Variants in CUX1 observed in about 807,000 individuals in gnomAD.
The protein encoded by CUX1 is protein CASP.
CUX1 carries 31 observed loss-of-function variants against 158.8 expected under a neutral mutation model. The observed-to-expected ratio is 0.20, with a 90% CI of 0.15 to 0.26. The LOEUF (loss-of-function observed/expected upper bound fraction) is 0.26. Ranked by LOEUF, CUX1 falls within the 10% of genes least tolerant of loss-of-function variation. The probability of loss-of-function intolerance (pLI) is 1.00; values close to 1 mark genes in which losing one functional copy is unlikely to be tolerated. For synonymous variants in CUX1, 879 were observed against 862.1 expected (o/e 1.02, Z -0.34); for missense variants, 1,589 against 2,014.6 (o/e 0.79, Z 4.04).
intron 21 of CUX1, chr7:102,282,637 GCCCAGGGGC>G: frequency 6.6e-7 from 1 of 1,519,724 alleles, no homozygotes; most frequent in South Asian, 1.2e-5. Flanking sequence ...TCCAGGCCAG[GCCCAGGGGC>G]CATGGGTGGG....
At chr7:101,817,159 T>C, upstream of CUX1, 1 of 983,568 alleles carries the variant, frequency 1.0e-6, no homozygotes. The surrounding 1 kb of genome is among the most constrained non-coding windows in gnomAD (Gnocchi z 4.1). Flanking sequence ...GCTGCAACTT[T>C]CCCCTAGGCA....
At chr7:102,035,426 T>C (rs888336254) in intron 3 of CUX1, among the ~76,000 whole-genome samples, 5 of 152,152 alleles carry the variant, frequency 3.3e-5, no homozygotes, top group Non-Finnish European at 7.3e-5. Flanking sequence ...TAAGCTATGA[T>C]GTTTGCCAGG....
intron 2 of CUX1, among the ~76,000 whole-genome samples, chr7:101,988,516 C>T (rs531482413): frequency 6.6e-6 from 1 of 152,272 alleles, no homozygotes; most frequent in African/African-American, 2.4e-5. Flanking sequence ...GTGTGTCTCC[C>T]TGCTCCTCCT....
intron 8 of CUX1, among the ~76,000 whole-genome samples, chr7:102,155,279 C>G (rs1836145013): frequency 6.6e-6 from 1 of 151,342 alleles, no homozygotes; most frequent in Non-Finnish European, 1.5e-5. Context: ...CGCAGTGGCT[C>G]ATGTCTATAG....
intron 1 of CUX1, among the ~76,000 whole-genome samples, chr7:101,904,223 C>A (rs1389855428): frequency 6.6e-6 from 1 of 152,026 alleles, no homozygotes; most frequent in African/African-American, 2.4e-5. Flanking sequence ...TTGCTTGAGC[C>A]CAGGAGTTCG....
At chr7:102,282,612 C>A in intron 21 of CUX1, 1 of 1,297,208 alleles carries the variant, frequency 7.7e-7, no homozygotes, top group Non-Finnish European at 1.1e-6. Flanking sequence ...GTCTGGGGCT[C>A]GAGAACCTTT....
chr7:102,193,865 C>T lies in CUX1; in HGVS notation c.1100C>T (p.Ala367Val). Residue 367 changes from alanine to valine, a missense_variant, in exon 13 of 24, where the codon GCA (alanine) becomes GTA (valine). Physicochemically the swap from Ala to Val is moderately conservative, Grantham distance 64. Coordinates refer to ENST00000292535, the MANE Select transcript of CUX1 (RefSeq NM_181552.4). ...ELNILKSMEF[A>V]PSEGAGTQDA... is the part of the protein sequence containing the mutation. ...AGCATTCTGAAGTCCATGGAGTTTG[C>T]ACCGTCCGAGGGCGCTGGGACACAG... 1.2e-6 allele frequency: 2 copies of T among 1,613,982 alleles called. No individual in the cohort carries two copies. Among genetic ancestry groups the T allele is most frequent in the Admixed American group, 3.3e-5 (2 of 59,982 alleles).
intron 3 of CUX1, among the ~76,000 whole-genome samples, chr7:102,050,370 A>G (rs1657726460): frequency 6.6e-6 from 1 of 152,158 alleles, no homozygotes; most frequent in South Asian, 2.1e-4. Flanking sequence ...AACTTCTTCA[A>G]TAGCCGTAGT....
chr7:102,151,352 A>G (rs1554503521), intron 8 of CUX1, among the ~76,000 whole-genome samples: 1 of 152,112 alleles, frequency 6.6e-6, no homozygotes, highest in Admixed American at 6.6e-5. Flanking sequence ...CAGGAGTTCG[A>G]GACCAGCCTG....
At chr7:102,244,388 A>G (rs1554536146) in intron 23 of CUX1, among the ~76,000 whole-genome samples, 1 of 152,074 alleles carries the variant, frequency 6.6e-6, no homozygotes. Context: ...AATTAGAAAT[A>G]TCTCTGGCTA....
intron 14 of CUX1, among the ~76,000 whole-genome samples, chr7:102,270,361 T>C (rs1482489026): frequency 6.6e-6 from 1 of 152,222 alleles, no homozygotes; most frequent in Non-Finnish European, 1.5e-5. Context: ...GCCAGTCTCC[T>C]GGCCTTCGCT....
At chr7:102,180,944 T>TTA (rs1369433339) in intron 11 of CUX1, among the ~76,000 whole-genome samples, 40 of 139,062 alleles carry the variant, frequency 2.9e-4, no homozygotes, top group African/African-American at 1.2e-3. Context: ...TTATTTTATT[T>TTA]TATTTTATTT....
rs1312967631 is a variant in CUX1, at chr7:102,060,688, C to A, written c.190-9651C>A. Among the ~76,000 whole-genome samples the A allele has an allele frequency of 2.7e-5, 4 of 150,182 alleles. No homozygotes were observed. In the Admixed American group the frequency reaches 2.7e-4, roughly 10 times the overall value. ...AGTGCAGTGGCATGGTCTTGGGTCA[C>A]TGCAACCTCCACCTTCTGGGTTCAA... On this transcript the variant is annotated intron_variant, in intron 3 of 23. Coordinates refer to ENST00000292535, the MANE Select transcript of CUX1 (RefSeq NM_181552.4).
intron 2 of CUX1, among the ~76,000 whole-genome samples, chr7:101,928,178 A>G (rs1204832166): frequency 6.6e-6 from 1 of 152,140 alleles, no homozygotes; most frequent in Non-Finnish European, 1.5e-5. Flanking sequence ...ATCACGTCTA[A>G]GCCTCTATTT....
chr7:102,212,804 C>T (rs1230346438), intron 20 of CUX1, among the ~76,000 whole-genome samples: 2 of 152,162 alleles, frequency 1.3e-5, no homozygotes, highest in African/African-American at 2.4e-5. Flanking sequence ...TAGTAACACA[C>T]CGTGGAGACC....
intron 2 of CUX1, among the ~76,000 whole-genome samples, chr7:101,939,207 T>G (rs1807400926): frequency 6.6e-6 from 1 of 150,818 alleles, no homozygotes; most frequent in Non-Finnish European, 1.5e-5. Flanking sequence ...ATCTGTTTTT[T>G]GCTGGCATCA....
At chr7:102,061,485 G>T (rs1297772569) in intron 3 of CUX1, among the ~76,000 whole-genome samples, 1 of 152,168 alleles carries the variant, frequency 6.6e-6, no homozygotes, top group Non-Finnish European at 1.5e-5. Flanking sequence ...TTTTCCAAGG[G>T]CTGCCACGGC....
chr7:101,982,837 C>T (rs957219038), intron 2 of CUX1, among the ~76,000 whole-genome samples: 2 of 151,776 alleles, frequency 1.3e-5, no homozygotes, highest in Non-Finnish European at 2.9e-5. Flanking sequence ...TCGTCATTTA[C>T]ATTAGGTATA....
intron 8 of CUX1, among the ~76,000 whole-genome samples, chr7:102,151,767 G>A (rs1224766467): frequency 1.3e-5 from 2 of 150,274 alleles, no homozygotes; most frequent in Non-Finnish European, 3.0e-5. Context: ...AACCTGGTTG[G>A]GAGGTGCCCC....
Sources: allele counts gnomAD v4.1 joint callset (sites outside exome capture counted in the v4.1 genomes callset), GRCh38; gene constraint gnomAD v4.1.1; non-coding constraint Gnocchi (gnomAD v3.1); transcripts MANE v1.5; gene names NCBI Gene and HGNC (gene_info 2026-07-23, HGNC 2026-07-21).